HECTD4: variants seen among roughly 807,000 people sequenced by gnomAD.
HECTD4 encodes probable E3 ubiquitin-protein ligase HECTD4.
Under a neutral mutation model 471.5 loss-of-function variants are expected in HECTD4, and 114 were observed. That is an observed-to-expected ratio of 0.24 (90% confidence interval 0.21 to 0.28). The LOEUF (loss-of-function observed/expected upper bound fraction) is 0.28. HECTD4 is among the 10% of genes least tolerant of loss of function. The pLI is 1.00. For synonymous variants in HECTD4, 2,012 were observed against 2,256.0 expected (o/e 0.89, Z 3.07); for missense variants, 3,866 against 5,651.5 (o/e 0.68, Z 10.13).
At position 112,237,026 on chromosome 12, in the gene HECTD4, C is replaced by T. The variant is rs751668402; in HGVS notation, c.5363G>A (p.Arg1788Gln). 1.2e-6 allele frequency: 2 copies of T among 1,609,274 alleles called. No homozygotes were observed. The highest frequency in any genetic ancestry group is 1.7e-5 in the Admixed American group (1 of 59,362). Residue 1788 changes from arginine to glutamine, a missense_variant, in exon 35 of 76, where the codon CGA becomes CAA. Around this residue, in one of 16 missense-constraint regions of HECTD4, gnomAD observed 229 missense variants for 386.4 expected, o/e 0.59. Coordinates refer to ENST00000682272, the MANE Select transcript of HECTD4 (RefSeq NM_001388303.1). ...CTGGTTGCCACAGCACTCTGTGGCTCGGGCAAGATGGTTAGTGAGAAGGCT... is the reference window on the plus strand; with the variant it reads ...CTGGTTGCCACAGCACTCTGTGGCTTGGGCAAGATGGTTAGTGAGAAGGCT... ...VSSLLTNHLA[R>Q]ATECCGNQAA...
rs1021814311 is a variant in HECTD4, at chr12:112,363,399, G to A, written c.177+18553C>T. Among the ~76,000 whole-genome samples the A allele has an allele frequency of 6.6e-5, 10 of 151,936 alleles. No homozygotes were observed. In the South Asian group the frequency reaches 8.4e-4, roughly 13 times the overall value. Reference sequence around the variant, plus strand: ...ATTACAGGCATGAGCCACCTTGTCCGGCCCAGTTTTCAAGGTACTGCTACT... The same window carrying A: ...ATTACAGGCATGAGCCACCTTGTCCAGCCCAGTTTTCAAGGTACTGCTACT... On this transcript the variant is annotated intron_variant, in intron 1 of 75. Transcript: ENST00000682272.
chr12:112,362,581 G>A (rs2036470366), intron 1 of HECTD4, among the ~76,000 whole-genome samples: 1 of 152,178 alleles, frequency 6.6e-6, no homozygotes, highest in Non-Finnish European at 1.5e-5. Context: ...CACTACCTCT[G>A]GGGAGCATCT....
chr12:112,314,145 C>T (rs2035431699), intron 3 of HECTD4, among the ~76,000 whole-genome samples: 1 of 152,022 alleles, frequency 6.6e-6, no homozygotes, highest in Admixed American at 6.6e-5. Context: ...CTCAAGCAAT[C>T]CTCCTGCTTC....
intron 8 of HECTD4, among the ~76,000 whole-genome samples, chr12:112,282,635 C>T (rs1391222232): frequency 6.6e-6 from 1 of 151,974 alleles, no homozygotes; most frequent in African/African-American, 2.4e-5. Context: ...CTGCATATAC[C>T]TTTTTACATT....
intron 1 of HECTD4, among the ~76,000 whole-genome samples, chr12:112,360,073 C>T (rs1036771571): frequency 3.9e-5 from 6 of 152,224 alleles, no homozygotes; most frequent in African/African-American, 1.4e-4. Context: ...GATCTTTCCA[C>T]CACTGTCTAG....
At chr12:112,284,926 G>A (rs2034719611) in intron 7 of HECTD4, among the ~76,000 whole-genome samples, 1 of 152,038 alleles carries the variant, frequency 6.6e-6, no homozygotes, top group South Asian at 2.1e-4. Context: ...AATCTCCCCA[G>A]GCTCAGATGA....
chr12:112,311,273 AAAG>A (rs1356600550), intron 4 of HECTD4, among the ~76,000 whole-genome samples: 1 of 151,804 alleles, frequency 6.6e-6, no homozygotes, highest in Non-Finnish European at 1.5e-5. Context: ...AAAAAAAAAA[AAAG>A]ATTACATAAA....
intron 50 of HECTD4, 143 bp downstream of exon 50, chr12:112,209,872 C>A (rs1211231891): frequency 1.2e-5 from 8 of 677,908 alleles, no homozygotes; most frequent in Non-Finnish European, 1.8e-5. Context: ...TTTCACCAGG[C>A]CTGTGACCCC....
In HECTD4 at chr12:112,162,910, A is replaced by G. The variant is rs1353688855; in HGVS notation, c.13120+132T>C. 5.4e-6 allele frequency: 4 copies of G among 736,234 alleles called. No homozygotes were observed. The highest frequency in any genetic ancestry group is 9.1e-6 in the Non-Finnish European group (4 of 437,720). The allele number at this position is 736,234 out of a possible 1,614,324, so 45.6% of individuals were successfully genotyped here. A position where few individuals can be genotyped will look rare whatever the true frequency, so the allele number is the denominator to read the frequency against. ...GGTTCCTGCCGGGCCCTAATCCTCA[A>G]TGATGTCTGAGTTTTGGCACGTGGG... On this transcript the variant is annotated intron_variant, in intron 75 of 75. Transcript: ENST00000682272. This position sits in a 1 kb window ranked among gnomAD's most constrained non-coding sequence, Gnocchi z 5.2.
intron 45 of HECTD4, 24 bp downstream of exon 45, chr12:112,219,362 C>T (rs377631725): frequency 1.6e-5 from 25 of 1,563,424 alleles, no homozygotes; most frequent in Admixed American, 5.1e-5. Context: ...CTGCAGGAGG[C>T]GCGAAGCACC....
In HECTD4 at chr12:112,170,445, G is replaced by A; in HGVS notation, c.11940C>T (p.Ile3980=). 6.2e-6 allele frequency: 10 copies of A among 1,613,870 alleles called. No individual in the cohort carries two copies. The highest frequency in any genetic ancestry group is 8.5e-6 in the Non-Finnish European group (10 of 1,179,874). ...AALLKEAKGL[I]FYDTKVTVMN... ...TCACGGTCACCTTCGTGTCATAGAA[G>A]ATCAGCCCTAAGGAGAGGAACGTGG... is the stretch of plus-strand genomic sequence containing the variant. The change falls in exon 69 of 76, where the codon ATC becomes ATT. Residue 3980 remains isoleucine, a synonymous_variant. Coordinates refer to ENST00000682272, the MANE Select transcript of HECTD4 (RefSeq NM_001388303.1).
At chr12:112,268,815 GACTT>G (rs2034342438) in intron 13 of HECTD4, among the ~76,000 whole-genome samples, 1 of 133,324 alleles carries the variant, frequency 7.5e-6, no homozygotes, top group South Asian at 2.7e-4. Flanking sequence ...AAAAAAAAAA[GACTT>G]ACAATAAATA....
chr12:112,162,421 G>A lies in HECTD4; in HGVS notation c.13223C>T (p.Ala4408Val), dbSNP rs753632886. Residue 4408 changes from alanine to valine, a missense_variant, in exon 76 of 76, where the codon GCC becomes GTC. Coordinates refer to ENST00000682272, the MANE Select transcript of HECTD4 (RefSeq NM_001388303.1). The surrounding 1 kb of genome is among the most constrained non-coding windows in gnomAD (Gnocchi z 5.2). ...LEIMLEKLRC[A>V]IHYREDPLSG is the part of the protein sequence containing the mutation. ...GAGGGGGTCTTCACGGTAGTGAATG[G>A]CACAACGAAGTTTCTCCAGCATGAT... 7 of 1,613,914 alleles carry A rather than the reference G, an allele frequency of 4.3e-6. No individual in the cohort carries two copies. Among genetic ancestry groups the A allele is most frequent in the Non-Finnish European group, 8.5e-7 (1 of 1,179,898 alleles).
intron 60 of HECTD4, among the ~76,000 whole-genome samples, chr12:112,187,622 C>CT (rs150976845): frequency 0.013 from 1,158 of 86,000 alleles, 17 homozygotes; most frequent in African/African-American, 0.027. Flanking sequence ...GTTTCCTTTC[C>CT]TTTTTTTTTT....
At chr12:112,165,348 A>G (rs2030897101) in intron 72 of HECTD4, among the ~76,000 whole-genome samples, 2 of 136,528 alleles carry the variant, frequency 1.5e-5, no homozygotes, top group African/African-American at 2.9e-5. Flanking sequence ...AAGAGCAACT[A>G]ATTTTTTTTT....
intron 11 of HECTD4, among the ~76,000 whole-genome samples, chr12:112,271,762 T>TTGTTG (rs568263996): frequency 3.1e-3 from 470 of 152,178 alleles, no homozygotes; most frequent in Non-Finnish European, 5.9e-3. Flanking sequence ...TCCATTTTTT[T>TTGTTG]TTGTTGTTGT....
rs1460720335 is a variant in HECTD4 at position 112,200,585 on chromosome 12, G to T, written c.8567+53C>A. The stretch of plus-strand genomic sequence containing the variant: ...TAAATGGTACATGGTACATGTGGTA[G>T]AGCGAAGTTGGTGGATTTCTGTGAC... On this transcript the variant is annotated intron_variant, in intron 55 of 75. Coordinates refer to ENST00000682272, the MANE Select transcript of HECTD4 (RefSeq NM_001388303.1). 4 of 1,564,448 alleles carry T rather than the reference G, an allele frequency of 2.6e-6. No individual in the cohort carries two copies. In the Admixed American group the frequency reaches 5.2e-5, roughly 20 times the overall value.
intron 54 of HECTD4, chr12:112,201,309 C>G: frequency 1.5e-5 from 4 of 258,124 alleles, no homozygotes; most frequent in South Asian, 1.4e-4. Flanking sequence ...CCAGGCTGGT[C>G]TTAAACTCCT....
intron 49 of HECTD4, among the ~76,000 whole-genome samples, chr12:112,211,220 C>T (rs973523943): frequency 1.3e-5 from 2 of 152,036 alleles, no homozygotes; most frequent in African/African-American, 4.8e-5. Flanking sequence ...TGTGGTGGTA[C>T]ACATCTGGAG....
Sources: gnomAD v4.1 joint callset for allele counts (sites outside exome capture counted in the v4.1 genomes callset) on GRCh38, gnomAD v4.1.1 for gene constraint, gnomAD v4.1.1 regional missense constraint, Gnocchi (gnomAD v3.1) non-coding constraint, MANE v1.5 for transcripts, NCBI Gene and HGNC (gene_info 2026-07-23, HGNC 2026-07-21) for gene names.